SFSWAP: variants seen among roughly 807,000 people sequenced by gnomAD.
The protein encoded by SFSWAP is splicing factor, suppressor of white-apricot homolog.
Under a neutral mutation model 100.7 loss-of-function variants are expected in SFSWAP, and 17 were observed. The ratio of observed to expected loss-of-function variants is 0.17; its 90% CI spans 0.12 to 0.25. The LOEUF is 0.25. Among genes scored for constraint, SFSWAP ranks in the 10% least tolerant of loss-of-function variants. The pLI is 1.00. For synonymous variants in SFSWAP, 504 were observed against 510.1 expected (o/e 0.99, Z 0.16); for missense variants, 1,005 against 1,262.6 (o/e 0.80, Z 3.09).
chr12:131,728,258 A>G, intron 6 of SFSWAP, 35 bp from the exon 7 acceptor site: 1 of 1,613,032 alleles, frequency 6.2e-7, no homozygotes, highest in East Asian at 2.2e-5. Flanking sequence ...GGTTCAGAAT[A>G]TTGAATGCTA....
intron 14 of SFSWAP, among the ~76,000 whole-genome samples, chr12:131,779,273 AGAGGGC>A (rs1566051678): frequency 6.6e-6 from 1 of 150,382 alleles, no homozygotes; most frequent in East Asian, 2.0e-4. Flanking sequence ...GTGTGTGTGA[AGAGGGC>A]GGCGCGGGTG....
intron 4 of SFSWAP, chr12:131,723,256 A>G (rs922064923): frequency 6.6e-6 from 1 of 152,192 alleles, no homozygotes; most frequent in African/African-American, 2.4e-5. Context: ...CAGATTCGTA[A>G]GGACTCTTGA....
At chr12:131,741,335 T>C (rs572661670) in intron 7 of SFSWAP, among the ~76,000 whole-genome samples, 4 of 152,250 alleles carry the variant, frequency 2.6e-5, no homozygotes, top group Non-Finnish European at 5.9e-5. Flanking sequence ...TTTTCAACCA[T>C]TTAAAAATGT....
intron 7 of SFSWAP, among the ~76,000 whole-genome samples, chr12:131,732,102 G>C (rs1879571419): frequency 6.6e-6 from 1 of 151,820 alleles, no homozygotes; most frequent in East Asian, 1.9e-4. Flanking sequence ...TAGAGACGGG[G>C]TTTCACCATG....
chr12:131,799,160 G>C, intron 17 of SFSWAP, 51 bp downstream of exon 17: 1 of 1,437,492 alleles, frequency 7.0e-7, no homozygotes, highest in Non-Finnish European at 9.8e-7. Flanking sequence ...AAGGGGCCTC[G>C]TGGTTTCTCT....
intron 7 of SFSWAP, among the ~76,000 whole-genome samples, chr12:131,742,656 A>G (rs2136210372): frequency 6.6e-6 from 1 of 151,338 alleles, no homozygotes; most frequent in Admixed American, 6.6e-5. Context: ...TTAAGATACT[A>G]GGTCGTCGGG....
chr12:131,770,840 A>T (rs1883528299), intron 13 of SFSWAP, among the ~76,000 whole-genome samples: 1 of 152,288 alleles, frequency 6.6e-6, no homozygotes, highest in African/African-American at 2.4e-5. Flanking sequence ...ATTAAATAGT[A>T]ACTCTCTGCC....
At chr12:131,790,040 G>C (rs1278853907) in intron 15 of SFSWAP, among the ~76,000 whole-genome samples, 1 of 152,198 alleles carries the variant, frequency 6.6e-6, no homozygotes, top group Admixed American at 6.5e-5. Flanking sequence ...GCCTGAATCA[G>C]TTCTTACACT....
chr12:131,771,800 C>G (rs2136246082), intron 13 of SFSWAP, among the ~76,000 whole-genome samples: 1 of 152,062 alleles, frequency 6.6e-6, no homozygotes, highest in South Asian at 2.1e-4. Context: ...GTAGCTGGGA[C>G]TATAGGCGGG....
At chr12:131,756,679 C>G in intron 11 of SFSWAP, 35 bp downstream of exon 11, 1 of 1,530,396 alleles carries the variant, frequency 6.5e-7, no homozygotes, top group African/African-American at 1.4e-5. Context: ...CTTGCACATT[C>G]CACCATAAGT....
In SFSWAP at chr12:131,722,427, G is replaced by C. The variant is rs1261246500; in HGVS notation, c.606+2888G>C. 3.9e-5 allele frequency among the ~76,000 whole-genome samples: 6 copies of C among 152,156 alleles called. No individual in the cohort carries two copies. The East Asian group carries it at 7.7e-4, about 20-fold the overall frequency. The stretch of plus-strand genomic sequence containing the variant: ...CAAGTAAAAATAATAGGCCAGTGTG[G>C]TGGCACGTGCCTGTAGTCCCAGACC... On this transcript the variant is annotated intron_variant, in intron 4 of 17. Transcript: ENST00000261674.
chr12:131,779,857 G>C (rs1884359214), intron 14 of SFSWAP, among the ~76,000 whole-genome samples: 1 of 152,212 alleles, frequency 6.6e-6, no homozygotes, highest in South Asian at 2.1e-4. Context: ...CACGATCTTG[G>C]CTCACTGCAA....
In SFSWAP at chr12:131,792,993, G is replaced by A. The variant is rs1885381361; in HGVS notation, c.2535-4185G>A. 2.6e-5 allele frequency among the ~76,000 whole-genome samples: 4 copies of A among 152,180 alleles called. No homozygotes were observed. The South Asian group carries it at 8.3e-4, about 32-fold the overall frequency. ...GCATGAGGATACAATAGAGCAGTGG[G>A]ATGGAATAGAAAGTACAGAAAAAAA... On this transcript the variant is annotated intron_variant, in intron 15 of 17. Coordinates refer to ENST00000261674, the MANE Select transcript of SFSWAP (RefSeq NM_004592.4).
chr12:131,756,540 A>T lies in SFSWAP; in HGVS notation c.1616A>T (p.Asp539Val). Reference sequence around the variant, plus strand: ...GAGAAGCCAAGTGATGCTGGGGAGGATGGCGCGCCTGAAGACGCAGCCGAG... The same window carrying T: ...GAGAAGCCAAGTGATGCTGGGGAGGTTGGCGCGCCTGAAGACGCAGCCGAG... ...APEKPSDAGEDGAPEDAAEVG... is the reference protein window; with the variant it reads ...APEKPSDAGEVGAPEDAAEVG... The change falls in exon 11 of 18, where the codon GAT (aspartate) becomes GTT (valine). Residue 539 changes from aspartate (D) to valine (V), a missense_variant. By Grantham distance (152) the Asp-to-Val change is radical. Transcript: ENST00000261674. The T allele has an allele frequency of 6.2e-7, 1 of 1,613,900 alleles. No individual in the cohort carries two copies. The highest frequency in any genetic ancestry group is 8.5e-7 in the Non-Finnish European group (1 of 1,179,952).
intron 7 of SFSWAP, among the ~76,000 whole-genome samples, chr12:131,746,175 T>C (rs1158515618): frequency 1.3e-5 from 2 of 152,238 alleles, no homozygotes; most frequent in Non-Finnish European, 2.9e-5. Context: ...CACATCATCT[T>C]TGCAGTGCAG....
At chr12:131,777,753 G>A (rs769768710) in intron 13 of SFSWAP, among the ~76,000 whole-genome samples, 4 of 152,292 alleles carry the variant, frequency 2.6e-5, no homozygotes, top group Non-Finnish European at 5.9e-5. Flanking sequence ...AAAAAGGAAC[G>A]TATTTTTTCC....
Position 131,725,364 on chromosome 12 carries a change from G to C in SFSWAP, c.607-41G>C, listed in dbSNP as rs1463711449. The C allele has an allele frequency of 6.6e-7, 1 of 1,518,708 alleles. No homozygotes were observed. The highest frequency in any genetic ancestry group is 1.4e-5 in the African/African-American group (1 of 72,346). The allele number at this position is 1,518,708 out of a possible 1,614,324, so 94.1% of individuals were successfully genotyped here. ...ATGAAATCACGTGGCCGGTGGACAA[G>C]AGGACAAATGGGTGACGTGAATATG... On this transcript the variant is annotated intron_variant, in intron 4 of 17. Coordinates refer to ENST00000261674, the MANE Select transcript of SFSWAP (RefSeq NM_004592.4). This position sits in a 1 kb window ranked among gnomAD's most constrained non-coding sequence, Gnocchi z 4.3.
intron 15 of SFSWAP, among the ~76,000 whole-genome samples, chr12:131,788,315 G>C (rs555233225): frequency 6.6e-6 from 1 of 152,218 alleles, no homozygotes; most frequent in Non-Finnish European, 1.5e-5. Context: ...CAAAGGGTTA[G>C]ACTCAGTGCA....
At chr12:131,716,362 T>C (rs1877914177) in intron 3 of SFSWAP, among the ~76,000 whole-genome samples, 2 of 152,254 alleles carry the variant, frequency 1.3e-5, no homozygotes, top group African/African-American at 4.8e-5. Context: ...GAAGTTACGA[T>C]GCACTAGAAA....
Sources: gnomAD v4.1 joint callset for allele counts (sites outside exome capture counted in the v4.1 genomes callset) on GRCh38, gnomAD v4.1.1 for gene constraint, Gnocchi (gnomAD v3.1) non-coding constraint, MANE v1.5 for transcripts, NCBI Gene and HGNC (gene_info 2026-07-23, HGNC 2026-07-21) for gene names.